The following ATXN7L1 variants were observed in gnomAD, a reference collection of about 807,000 sequenced individuals.
The protein encoded by ATXN7L1 is ataxin-7-like protein 1.
Under a neutral mutation model 70.8 loss-of-function variants are expected in ATXN7L1, and 15 were observed. The observed-to-expected ratio is 0.21, with a 90% CI of 0.14 to 0.33. The LOEUF is 0.33. Ranked by LOEUF, ATXN7L1 falls within the 10% of genes least tolerant of loss-of-function variation. The pLI is 1.00. For synonymous variants in ATXN7L1, 440 were observed against 445.1 expected (o/e 0.99, Z 0.14); for missense variants, 975 against 1,097.1 (o/e 0.89, Z 1.57).
chr7:105,621,574 A>G (rs1485262800), intron 8 of ATXN7L1, among the ~76,000 whole-genome samples: 1 of 152,212 alleles, frequency 6.6e-6, no homozygotes, highest in Non-Finnish European at 1.5e-5. Context: ...TGGATGAAAT[A>G]TTGGCATTCA....
intron 2 of ATXN7L1, among the ~76,000 whole-genome samples, chr7:105,832,756 T>C (rs186052549): frequency 1.3e-5 from 2 of 152,320 alleles, no homozygotes; most frequent in African/African-American, 4.8e-5. Context: ...GCCTGCTTCT[T>C]ACACAAGTCT....
chr7:105,848,487 C>G (rs1037693743), intron 2 of ATXN7L1, among the ~76,000 whole-genome samples: 7 of 151,894 alleles, frequency 4.6e-5, no homozygotes, highest in Admixed American at 3.3e-4. Context: ...CTGAAAACAA[C>G]CAATATATCC....
In ATXN7L1 at chr7:105,628,649, C is replaced by T. The variant is rs569568351; in HGVS notation, c.1203-4382G>A. ...CTAAAAATACAAAAAAAAAATTAGC[C>T]GGGCATGGTGGCGGGCACCTGTAGT... On this transcript the variant is annotated intron_variant, in intron 7 of 11. Transcript: ENST00000419735. Among the ~76,000 whole-genome samples the T allele has an allele frequency of 1.2e-3, 179 of 151,536 alleles. 1 individual carries two copies. The highest frequency in any genetic ancestry group is 1.7e-3 in the Non-Finnish European group (116 of 67,894).
At chr7:105,700,508 C>CAAAAA (rs1186998293) in intron 3 of ATXN7L1, among the ~76,000 whole-genome samples, 85 of 49,682 alleles carry the variant, frequency 1.7e-3, no homozygotes, top group Non-Finnish European at 1.8e-3. Context: ...GACTCTGTCT[C>CAAAAA]AAAAAAAAAA....
At chr7:105,695,253 C>T (rs1396807076) in intron 3 of ATXN7L1, among the ~76,000 whole-genome samples, 2 of 152,206 alleles carry the variant, frequency 1.3e-5, no homozygotes, top group Admixed American at 6.5e-5. Context: ...CACCACTGCG[C>T]TCCAGCCTGG....
At position 105,838,534 on chromosome 7, in the gene ATXN7L1, C is replaced by T. The variant is rs565432705; in HGVS notation, c.250+37278G>A. 3.3e-5 allele frequency among the ~76,000 whole-genome samples: 5 copies of T among 152,246 alleles called. No individual in the cohort carries two copies. In the South Asian group the frequency reaches 1.0e-3, roughly 32 times the overall value. Reference sequence around the variant, plus strand: ...CAGCCTTTTGATATAAGAGGAGTGGCCTGTGCAGAAATCGGTTAGATTCTG... The same window carrying T: ...CAGCCTTTTGATATAAGAGGAGTGGTCTGTGCAGAAATCGGTTAGATTCTG... On this transcript the variant is annotated intron_variant, in intron 2 of 11. Coordinates refer to ENST00000419735, the MANE Select transcript of ATXN7L1 (RefSeq NM_020725.2).
In ATXN7L1 at chr7:105,614,441, G is replaced by T. The variant is rs1312557744; in HGVS notation, c.1893C>A (p.Asp631Glu). ...GAGACTCGTCGCTACGGGTGGACAG[G>T]TCTTTGACTTTTGAGGATTTGCTGG... ...TKTSKSSKVKDLSTRSDESPS... is the reference protein window; with the variant it reads ...TKTSKSSKVKELSTRSDESPS... Residue 631 changes from aspartate (D) to glutamate (E), a missense_variant, in exon 10 of 12, where the codon GAC becomes GAA. Physicochemically the swap from Asp to Glu is conservative, Grantham distance 45. Transcript: ENST00000419735. This position sits in a 1 kb window ranked among gnomAD's most constrained non-coding sequence, Gnocchi z 4.3. 25 of 1,545,400 alleles carry T rather than the reference G, an allele frequency of 1.6e-5. No homozygotes were observed. Among genetic ancestry groups the T allele is most frequent in the South Asian group, 7.2e-5 (6 of 83,550 alleles).
At chr7:105,807,895 A>G (rs758054194) in intron 2 of ATXN7L1, among the ~76,000 whole-genome samples, 18 of 152,244 alleles carry the variant, frequency 1.2e-4, no homozygotes, top group Admixed American at 4.6e-4. Context: ...TACTGTCTTA[A>G]GCCATCAAGT....
At chr7:105,723,324 T>G (rs1005168733) in intron 3 of ATXN7L1, among the ~76,000 whole-genome samples, 2 of 152,232 alleles carry the variant, frequency 1.3e-5, no homozygotes, top group Admixed American at 6.5e-5. Flanking sequence ...AGTATTGCTG[T>G]GATGACTAAA....
At chr7:105,819,448 A>T in intron 2 of ATXN7L1, 7 of 434,630 alleles carry the variant, frequency 1.6e-5, no homozygotes, top group Admixed American at 7.5e-5. Flanking sequence ...TGGGATTTAA[A>T]AAAAAAAAAA....
At chr7:105,801,475 C>A (rs929872059) in intron 2 of ATXN7L1, among the ~76,000 whole-genome samples, 22 of 152,274 alleles carry the variant, frequency 1.4e-4, no homozygotes, top group African/African-American at 4.8e-4. Flanking sequence ...CTAAACTTAG[C>A]CAATCATTGT....
In ATXN7L1 at chr7:105,613,908, A is replaced by C. The variant is rs1375778915; in HGVS notation, c.2426T>G (p.Leu809Arg). ...NSVHKKNPPSLLAPVPDPVNS... is the reference protein window; with the variant it reads ...NSVHKKNPPSRLAPVPDPVNS... ...AACGGGATCGGGCACCGGTGCGAGA[A>C]GGCTGGGCGGGTTCTTTTTGTGAAC... Residue 809 changes from leucine to arginine, a missense_variant, in exon 10 of 12, where the codon CTT becomes CGT. Physicochemically the swap from Leu to Arg is moderately radical, Grantham distance 102. Transcript: ENST00000419735. 3 of 1,552,142 alleles carry C rather than the reference A, an allele frequency of 1.9e-6. No individual in the cohort carries two copies. The highest frequency in any genetic ancestry group is 1.2e-5 in the South Asian group (1 of 84,054).
At chr7:105,830,139 A>C (rs749238665) in intron 2 of ATXN7L1, among the ~76,000 whole-genome samples, 4 of 152,234 alleles carry the variant, frequency 2.6e-5, no homozygotes, top group Non-Finnish European at 5.9e-5. Context: ...GGTCACGACA[A>C]GTATAGGAGG....
At chr7:105,739,947 C>A (rs1479498496) in intron 3 of ATXN7L1, among the ~76,000 whole-genome samples, 2 of 152,328 alleles carry the variant, frequency 1.3e-5, no homozygotes, top group East Asian at 3.9e-4. Flanking sequence ...AAACATTCAA[C>A]AGTTCAAACA....
chr7:105,861,875 G>C (rs1383647695), intron 2 of ATXN7L1, among the ~76,000 whole-genome samples: 1 of 152,222 alleles, frequency 6.6e-6, no homozygotes, highest in African/African-American at 2.4e-5. Context: ...CATTTGGAAA[G>C]CAAATAAGCC....
intron 10 of ATXN7L1, among the ~76,000 whole-genome samples, chr7:105,611,564 G>A (rs1246275300): frequency 6.6e-6 from 1 of 152,162 alleles, no homozygotes; most frequent in Non-Finnish European, 1.5e-5. Flanking sequence ...TAGAGACAGG[G>A]TTTTGCCATG....
intron 3 of ATXN7L1, among the ~76,000 whole-genome samples, chr7:105,748,707 G>A (rs1219235447): frequency 6.6e-6 from 1 of 152,144 alleles, no homozygotes; most frequent in Non-Finnish European, 1.5e-5. Flanking sequence ...CTTTTGCACT[G>A]TGTACCTCTG....
intron 2 of ATXN7L1, among the ~76,000 whole-genome samples, chr7:105,831,688 T>C (rs1275333102): frequency 2.6e-5 from 4 of 152,130 alleles, no homozygotes; most frequent in Admixed American, 6.5e-5. Context: ...AAGATGCCAG[T>C]AAAATTCTGG....
In ATXN7L1 at chr7:105,638,405, G is replaced by A; in HGVS notation, c.1150C>T (p.Pro384Ser). The A allele has an allele frequency of 6.4e-7, 1 of 1,552,254 alleles. No individual in the cohort carries two copies. The part of the protein sequence containing the change: ...LGSSGSSGPE[P>S]KVASPAKSRP... ...GATTTTGCAGGGGATGCAACTTTTG[G>A]TTCTGGCCCAGAGCTCCCTGAAGAC... Residue 384 changes from proline to serine, a missense_variant, in exon 7 of 12, where the codon CCA (proline) becomes TCA (serine). Around this residue, in one of 5 missense-constraint regions of ATXN7L1, gnomAD observed 635 missense variants for 699.4 expected, o/e 0.91. Transcript: ENST00000419735.
Sources: allele counts gnomAD v4.1 joint callset (sites outside exome capture counted in the v4.1 genomes callset), GRCh38; gene constraint gnomAD v4.1.1; regional missense constraint gnomAD v4.1.1; non-coding constraint Gnocchi (gnomAD v3.1); transcripts MANE v1.5; gene names NCBI Gene and HGNC (gene_info 2026-07-23, HGNC 2026-07-21).